Variants in RNF43 observed in about 807,000 individuals in gnomAD.
The protein encoded by RNF43 is E3 ubiquitin-protein ligase RNF43.
In RNF43, 37 loss-of-function variants were observed where a neutral mutation model predicts 78.4. The observed-to-expected ratio is 0.47, with a 90% CI of 0.36 to 0.62. RNF43 has a LOEUF of 0.62. Among genes scored for constraint, RNF43 ranks in the 20% least tolerant of loss-of-function variants. The pLI is 0.00. For missense variants in RNF43, 774 were observed against 1,007.9 expected (o/e 0.77, Z 3.14); for synonymous variants, 347 against 395.0 (o/e 0.88, Z 1.44).
intron 2 of RNF43, among the ~76,000 whole-genome samples, chr17:58,408,114 T>C (rs1973950719): frequency 6.6e-6 from 1 of 152,234 alleles, no homozygotes; most frequent in Non-Finnish European, 1.5e-5. Flanking sequence ...AAGTAATACA[T>C]ACAAGTACTT....
chr17:58,403,589 ACGG>A (rs780284409), intron 2 of RNF43, among the ~76,000 whole-genome samples: 1 of 151,984 alleles, frequency 6.6e-6, no homozygotes, highest in Non-Finnish European at 1.5e-5. Context: ...CAGCAACAGC[ACGG>A]CGGCCCTTCT....
intron 2 of RNF43, among the ~76,000 whole-genome samples, chr17:58,385,292 T>G (rs1234549401): frequency 6.6e-6 from 1 of 152,236 alleles, no homozygotes; most frequent in Middle Eastern, 3.2e-3. Flanking sequence ...TTCAAAATGC[T>G]TGTTAGACTT....
At chr17:58,397,043 A>AT (rs1973695975) in intron 2 of RNF43, among the ~76,000 whole-genome samples, 3 of 124,194 alleles carry the variant, frequency 2.4e-5, no homozygotes, top group Non-Finnish European at 5.2e-5. Flanking sequence ...AAGCTTAGAA[A>AT]TAAAAAAAAA....
intron 2 of RNF43, among the ~76,000 whole-genome samples, chr17:58,385,248 T>C (rs748829588): frequency 6.6e-6 from 1 of 152,224 alleles, no homozygotes; most frequent in Non-Finnish European, 1.5e-5. Context: ...AATTATGATT[T>C]CCAAATTGGT....
In RNF43 at chr17:58,357,326, C is replaced by T. The variant is rs769342131; in HGVS notation, c.2308+142G>A. 59 of 1,056,408 alleles carry T rather than the reference C, an allele frequency of 5.6e-5. No individual in the cohort carries two copies. The highest frequency in any genetic ancestry group is 3.5e-4 in the African/African-American group (22 of 63,734). 65.4% of individuals were successfully genotyped at this position (1,056,408 alleles called of 1,614,324 possible). ...CTCTAGCCAGCATGATACGCTGTCC[C>T]GATGGTTAAGTATTTTGGTTGTCAT... On this transcript the variant is annotated intron_variant, in intron 9 of 9. Transcript: ENST00000407977. The surrounding 1 kb of genome is among the most constrained non-coding windows in gnomAD (Gnocchi z 4.5).
In RNF43 at chr17:58,362,640, A is replaced by G; in HGVS notation, c.591T>C (p.Tyr197=). The part of the protein sequence containing the change: ...ELKEPPAWPD[Y]DVWILMTVVG... ...CCACTGTCATTAGGATCCACACATC[A>G]TAATCTGGCTGGGGAGTGAGCAGAG... Residue 197 remains tyrosine, a synonymous_variant, in exon 6 of 10, where the codon TAT becomes TAC. Transcript: ENST00000407977. 6.2e-7 allele frequency: 1 copy of G among 1,610,018 alleles called. No individual in the cohort carries two copies. Among genetic ancestry groups the G allele is most frequent in the Non-Finnish European group, 8.5e-7 (1 of 1,177,840 alleles).
In RNF43 at chr17:58,375,134, A is replaced by G. The variant is rs532754543; in HGVS notation, c.253-4101T>C. Among the ~76,000 whole-genome samples, 7 of 152,170 alleles carry G rather than the reference A, an allele frequency of 4.6e-5. No homozygotes were observed. The South Asian group carries it at 1.2e-3, about 27-fold the overall frequency. On this transcript the variant is annotated intron_variant, in intron 2 of 9. Transcript: ENST00000407977. ...ACAGGCCACCATCACTGCCAACCCT[A>G]TTTACCGAAATAACCTACTCCCTAG...
intron 2 of RNF43, among the ~76,000 whole-genome samples, chr17:58,390,282 G>A (rs1269425193): frequency 1.3e-5 from 2 of 152,050 alleles, no homozygotes; most frequent in African/African-American, 4.8e-5. Context: ...AAGTTATAAG[G>A]GCCCCAGTCA....
At chr17:58,409,966 A>G (rs1225053944) in intron 2 of RNF43, among the ~76,000 whole-genome samples, 1 of 152,122 alleles carries the variant, frequency 6.6e-6, no homozygotes, top group African/African-American at 2.4e-5. Context: ...ATATACATAC[A>G]CACTTTACTA....
intron 6 of RNF43, among the ~76,000 whole-genome samples, chr17:58,361,748 T>C (rs751538401): frequency 6.6e-5 from 10 of 152,198 alleles, no homozygotes; most frequent in Non-Finnish European, 1.3e-4. Context: ...ACAGCCTTCA[T>C]GCTGTTCCTC....
Position 58,358,879 on chromosome 17 carries a change from C to T in RNF43, c.953-56G>A, listed in dbSNP as rs1317844405. 6.3e-6 allele frequency: 9 copies of T among 1,420,138 alleles called. No individual in the cohort carries two copies. In the Admixed American group the frequency reaches 2.4e-4, roughly 37 times the overall value. 88.0% of individuals were successfully genotyped at this position (1,420,138 alleles called of 1,614,324 possible). A position where few individuals can be genotyped will look rare whatever the true frequency, so the allele number is the denominator to read the frequency against. ...TAACTCTACAAACCTACAGAGAATG[C>T]ATTCAGAAAGACATGGCTGTAGCTA... On this transcript the variant is annotated intron_variant, in intron 8 of 9. Transcript: ENST00000407977. The surrounding 1 kb of genome is among the most constrained non-coding windows in gnomAD (Gnocchi z 6.2).
At chr17:58,401,005 T>G (rs979136430) in intron 2 of RNF43, among the ~76,000 whole-genome samples, 2 of 152,030 alleles carry the variant, frequency 1.3e-5, no homozygotes, top group African/African-American at 4.8e-5. Flanking sequence ...AACCTACATT[T>G]CTGGGAAAAG....
intron 5 of RNF43, 139 bp from the exon 6 acceptor site, chr17:58,362,787 C>A (rs1250879011): frequency 3.3e-6 from 2 of 599,890 alleles, no homozygotes; most frequent in East Asian, 6.2e-5. Context: ...TGGAGAGGAA[C>A]CTGCAAGTGG....
chr17:58,413,940 G>C (rs1974075287), intron 2 of RNF43, among the ~76,000 whole-genome samples: 1 of 152,172 alleles, frequency 6.6e-6, no homozygotes, highest in African/African-American at 2.4e-5. Flanking sequence ...TCATGCTTCA[G>C]GGTATTAACT....
chr17:58,396,838 C>T (rs567826003), intron 2 of RNF43, among the ~76,000 whole-genome samples: 1 of 152,080 alleles, frequency 6.6e-6, no homozygotes, highest in Admixed American at 6.5e-5. Flanking sequence ...TATATATACA[C>T]ACACACACTA....
intron 2 of RNF43, among the ~76,000 whole-genome samples, chr17:58,397,693 A>T (rs1179311411): frequency 2.0e-5 from 3 of 152,090 alleles, no homozygotes; most frequent in Non-Finnish European, 4.4e-5. Context: ...TGTGATGAGA[A>T]AAGAAAATAG....
chr17:58,376,353 CTTGG>C (rs1454849436), intron 2 of RNF43, among the ~76,000 whole-genome samples: 1 of 139,324 alleles, frequency 7.2e-6, no homozygotes, highest in Non-Finnish European at 1.5e-5. Context: ...GGGATAGGAC[CTTGG>C]TGTTAGATTT....
At chr17:58,415,292 G>C (rs2143693626) in intron 2 of RNF43, 34 bp downstream of exon 2, 1 of 1,609,426 alleles carries the variant, frequency 6.2e-7, no homozygotes, top group Non-Finnish European at 8.5e-7. Flanking sequence ...ATTTCAAACA[G>C]ATGGAAAGTG....
In RNF43 at chr17:58,363,202, C is replaced by CT. The variant is rs1184389241; in HGVS notation, c.582+72dup. The CT allele has an allele frequency of 3.8e-6, 6 of 1,574,440 alleles. No individual in the cohort carries two copies. In the African/African-American group the frequency reaches 5.4e-5, roughly 14 times the overall value. ...TCTCGCAGCTCCAGGAGTCTAAGGG[C>CT]TTTTGGTGGGAGTTGCCACAGGACA... is the stretch of plus-strand genomic sequence containing the variant. On this transcript the variant is annotated intron_variant, in intron 5 of 9. Transcript: ENST00000407977.
Sources: allele counts gnomAD v4.1 joint callset (sites outside exome capture counted in the v4.1 genomes callset), GRCh38; gene constraint gnomAD v4.1.1; non-coding constraint Gnocchi (gnomAD v3.1); transcripts MANE v1.5; gene names NCBI Gene and HGNC (gene_info 2026-07-23, HGNC 2026-07-21).